The following HEXD variants were observed in gnomAD, a reference collection of about 807,000 sequenced individuals.
The protein encoded by HEXD is hexosaminidase D.
HEXD carries 47 observed loss-of-function variants against 54.2 expected under a neutral mutation model. The observed-to-expected ratio is 0.87, with a 90% confidence interval of 0.69 to 1.11. HEXD has a LOEUF of 1.11. Ranked by LOEUF, HEXD falls within the 50% of genes least tolerant of loss-of-function variation. The pLI is 0.00. For synonymous variants in HEXD, 293 were observed against 287.6 expected (o/e 1.02, Z -0.19); for missense variants, 576 against 649.2 (o/e 0.89, Z 1.23).
Position 82,441,660 on chromosome 17 carries a change from T to C in HEXD, c.1164-140T>C, listed in dbSNP as rs1599762274. 4 of 749,336 alleles carry C rather than the reference T, an allele frequency of 5.3e-6. No homozygotes were observed. In the East Asian group the frequency reaches 1.0e-4, roughly 19 times the overall value. 46.4% of individuals were successfully genotyped at this position (749,336 alleles called of 1,614,324 possible). Reference sequence around the variant, plus strand: ...CTCCCAGGCACAGGAGGAGGCAGCCTCATCCTTCACAAAGACTTTCTGGGG... The same window carrying C: ...CTCCCAGGCACAGGAGGAGGCAGCCCCATCCTTCACAAAGACTTTCTGGGG... On this transcript the variant is annotated intron_variant, in intron 11 of 12. Coordinates refer to ENST00000327949, the MANE Select transcript of HEXD (RefSeq NM_001330542.2).
rs529302772 is a variant in HEXD, at chr17:82,421,081, A to C, written c.84+1198A>C. On this transcript the variant is annotated intron_variant, in intron 2 of 12. Transcript: ENST00000327949. ...ACAGTGCTATGACCAGAGGACCCAG[A>C]AAATAGCCTCAAAAGTAAGTAAAGG... 1.3e-4 allele frequency among the ~76,000 whole-genome samples: 19 copies of C among 151,958 alleles called. No individual in the cohort carries two copies. The South Asian group carries it at 3.9e-3, about 31-fold the overall frequency.
intron 4 of HEXD, among the ~76,000 whole-genome samples, chr17:82,430,111 C>A (rs2053535037): frequency 6.6e-6 from 1 of 152,132 alleles, no homozygotes; most frequent in African/African-American, 2.4e-5. Context: ...ATGGACTCAC[C>A]ATGAAACTTT....
chr17:82,421,514 A>T (rs2143374762), intron 2 of HEXD, among the ~76,000 whole-genome samples: 1 of 152,292 alleles, frequency 6.6e-6, no homozygotes, highest in East Asian at 1.9e-4. Context: ...CATTGCAAAC[A>T]CAAGAGCCTG....
At chr17:82,438,759 C>T (rs749575764) in intron 8 of HEXD, among the ~76,000 whole-genome samples, 3 of 152,236 alleles carry the variant, frequency 2.0e-5, no homozygotes, top group African/African-American at 7.2e-5. Flanking sequence ...GCCTGGTGGG[C>T]CAGCCTGCTA....
At chr17:82,431,430 ATT>A (rs879289678) in intron 4 of HEXD, among the ~76,000 whole-genome samples, 5 of 134,498 alleles carry the variant, frequency 3.7e-5, no homozygotes, top group Non-Finnish European at 3.3e-5. Context: ...CTAAGTGCTA[ATT>A]TTTTTTTTTT....
intron 3 of HEXD, 52 bp downstream of exon 3, chr17:82,424,555 G>A (rs751219653): frequency 5.9e-6 from 8 of 1,356,968 alleles, no homozygotes; most frequent in Non-Finnish European, 8.4e-6. Flanking sequence ...CGGGGAAGGG[G>A]GGGTTCCGCA....
Position 82,434,698 on chromosome 17 carries a change from C to T in HEXD, c.447+876C>T, listed in dbSNP as rs142992888. ...ACTAAATATACAAAAATCAGCCGGGCGTGATGGCGGGCGCCTGTAATCCCA... is the reference window on the plus strand; with the variant it reads ...ACTAAATATACAAAAATCAGCCGGGTGTGATGGCGGGCGCCTGTAATCCCA... On this transcript the variant is annotated intron_variant, in intron 5 of 12. Coordinates refer to ENST00000327949, the MANE Select transcript of HEXD (RefSeq NM_001330542.2). The surrounding 1 kb of genome is among the most constrained non-coding windows in gnomAD (Gnocchi z 4.5). Among the ~76,000 whole-genome samples, 395 of 151,186 alleles carry T rather than the reference C, an allele frequency of 2.6e-3. 7 individuals carry two copies. In the East Asian group the frequency reaches 0.06, roughly 23 times the overall value.
chr17:82,441,686 G>A (rs1373425146), intron 11 of HEXD, 114 bp from the exon 12 acceptor site: 5 of 839,358 alleles, frequency 6.0e-6, no homozygotes, highest in Middle Eastern at 2.2e-4. Context: ...CTTTCTGGGG[G>A]ACATAAGACT....
chr17:82,435,603 C>A, intron 5 of HEXD, 86 bp from the exon 6 acceptor site: 1 of 1,400,342 alleles, frequency 7.1e-7, no homozygotes, highest in Non-Finnish European at 9.8e-7. Flanking sequence ...AGCGGCCCCT[C>A]TCCGTCAGGG....
Position 82,441,823 on chromosome 17 carries a change from C to T in HEXD, c.1187C>T (p.Pro396Leu), listed in dbSNP as rs1313920487. 1 of 1,613,004 alleles carries T rather than the reference C, an allele frequency of 6.2e-7. No homozygotes were observed. Among genetic ancestry groups the T allele is most frequent in the East Asian group, 2.2e-5 (1 of 44,886 alleles). The change falls in exon 12 of 13, where the codon CCC becomes CTC. Residue 396 changes from proline (P) to leucine (L), a missense_variant. Pro to Leu is a moderately conservative substitution (Grantham distance 98). Transcript: ENST00000327949. ...GNRYVTGWFS[P>L]YHRQRKLIHP... ...AGGTATGTCACTGGCTGGTTCAGCC[C>T]CTACCACCGCCAGCGGAAGCTCATC...
chr17:82,424,626 G>T (rs1453409613), intron 3 of HEXD, 123 bp downstream of exon 3: 3 of 613,880 alleles, frequency 4.9e-6, no homozygotes, highest in Non-Finnish European at 8.7e-6. Flanking sequence ...AACAGTGGTG[G>T]GTACATTCCT....
intron 2 of HEXD, 97 bp downstream of exon 2, chr17:82,419,980 A>G: frequency 1.6e-6 from 1 of 621,522 alleles, no homozygotes; most frequent in Admixed American, 3.0e-5. Flanking sequence ...TACCTAGAAC[A>G]CAACCACAAG....
At chr17:82,428,770 A>C (rs2053494493) in intron 4 of HEXD, 125 bp downstream of exon 4, 1 of 765,538 alleles carries the variant, frequency 1.3e-6, no homozygotes, top group South Asian at 1.5e-5. Flanking sequence ...AGCGCAGCTC[A>C]GCACAACATG....
chr17:82,436,334 G>A (rs1428100434), intron 6 of HEXD, among the ~76,000 whole-genome samples: 1 of 152,260 alleles, frequency 6.6e-6, no homozygotes, highest in Non-Finnish European at 1.5e-5. Flanking sequence ...GGGAGCCAGG[G>A]TGTCCTAGGG....
chr17:82,437,497 G>C (rs918103355), intron 8 of HEXD, 134 bp downstream of exon 8: 1 of 747,402 alleles, frequency 1.3e-6, no homozygotes, highest in East Asian at 3.0e-5. Flanking sequence ...AAGAGGAGCT[G>C]CAGAAACAGC....
At position 82,434,901 on chromosome 17, in the gene HEXD, T is replaced by C. The variant is rs1410386525; in HGVS notation, c.448-788T>C. Among the ~76,000 whole-genome samples, 1 of 151,528 alleles carries C rather than the reference T, an allele frequency of 6.6e-6. No homozygotes were observed. The highest frequency in any genetic ancestry group is 1.5e-5 in the Non-Finnish European group (1 of 67,960). ...TGGCTCACACTTGTGATCCCAGCAC[T>C]TTGGGAGGCTGAGGCAGGTGGACCA... On this transcript the variant is annotated intron_variant, in intron 5 of 12. Coordinates refer to ENST00000327949, the MANE Select transcript of HEXD (RefSeq NM_001330542.2). The surrounding 1 kb of genome is among the most constrained non-coding windows in gnomAD (Gnocchi z 4.5).
At chr17:82,440,186 G>C in intron 9 of HEXD, 1 of 1,290,308 alleles carries the variant, frequency 7.8e-7, no homozygotes, top group Middle Eastern at 2.3e-4. Context: ...GTCGGCAGGG[G>C]GCTTGGCCAG....
chr17:82,429,074 A>G (rs926204570), intron 4 of HEXD, among the ~76,000 whole-genome samples: 6 of 152,128 alleles, frequency 3.9e-5, no homozygotes, highest in African/African-American at 1.2e-4. Flanking sequence ...AGCCTGACCA[A>G]CATGGCGAAA....
Position 82,437,365 on chromosome 17 carries a change from TA to T in HEXD, c.899+4del, listed in dbSNP as rs2053799837. ...CATCATCCTGACCGGCTGGCAGAGG[TA>T]AGTCCTGGCCAGTCTGTCCTCAGAG... On this transcript the variant is annotated splice_donor_region_variant and intron_variant, in intron 8 of 12. Coordinates refer to ENST00000327949, the MANE Select transcript of HEXD (RefSeq NM_001330542.2). 1 of 1,588,598 alleles carries T rather than the reference TA, an allele frequency of 6.3e-7. No individual in the cohort carries two copies. Among genetic ancestry groups the T allele is most frequent in the Non-Finnish European group, 8.6e-7 (1 of 1,166,426 alleles).
Sources: gnomAD v4.1 joint callset for allele counts (sites outside exome capture counted in the v4.1 genomes callset) on GRCh38, gnomAD v4.1.1 for gene constraint, Gnocchi (gnomAD v3.1) non-coding constraint, MANE v1.5 for transcripts, NCBI Gene and HGNC (gene_info 2026-07-23, HGNC 2026-07-21) for gene names.